Variants in FLG observed in about 807,000 individuals in gnomAD.
FLG encodes the protein filaggrin.
Under a neutral mutation model 3.8 loss-of-function variants are expected in FLG, and 6 were observed. That is an observed-to-expected ratio of 1.60 (90% CI 0.87 to 3.15). The LOEUF (loss-of-function observed/expected upper bound fraction) is 3.15, where lower values mean the gene tolerates loss of function less well. Ranked by LOEUF, FLG falls within the 30% of genes most tolerant of loss-of-function variation. The pLI is 0.00. For synonymous variants in FLG, 2,551 were observed against 1,931.6 expected, an observed-to-expected ratio of 1.32 and a Z score of -8.41; for missense variants, 7,595 against 5,050.9, an observed-to-expected ratio of 1.50 and a Z score of -15.27.
Position 152,313,970 on chromosome 1 carries a change from G to T in FLG, c.916C>A (p.His306Asn), listed in dbSNP as rs1382286927. 24 of 1,614,044 alleles carry T rather than the reference G, an allele frequency of 1.5e-5. No homozygotes were observed. The highest frequency in any genetic ancestry group is 2.0e-5 in the Non-Finnish European group (24 of 1,180,040). ...GAGTGCCTCTCAGAGTCTTCTGAGT[G>T]TCCCTCACTGTCCCTGTCCTGGCTA... The part of the protein sequence containing the change: ...RVSQDRDSEG[H>N]SEDSERHSGS... Residue 306 changes from histidine (H) to asparagine (N), a missense_variant, in exon 3 of 3, where the codon CAC becomes AAC. By Grantham distance (68) the His-to-Asn change is moderately conservative (BLOSUM62 1). Transcript: ENST00000368799.
rs762578946 is a variant in FLG at position 152,310,078 on chromosome 1, T to G, written c.4808A>C (p.His1603Pro). The G allele has an allele frequency of 6.2e-7, 1 of 1,613,958 alleles. No individual in the cohort carries two copies. Among genetic ancestry groups the G allele is most frequent in the Non-Finnish European group, 8.5e-7 (1 of 1,179,994 alleles). Residue 1603 changes from histidine (H) to proline (P), a missense_variant, in exon 3 of 3, where the codon CAC becomes CCC. Physicochemically the swap from His to Pro is moderately conservative, Grantham distance 77. Coordinates refer to ENST00000368799, the MANE Select transcript of FLG (RefSeq NM_002016.2). Reference protein sequence around the residue: ...SVSQDRDSEGHSEDSERRSES... With the variant: ...SVSQDRDSEGPSEDSERRSES... Reference sequence around the variant, plus strand: ...AGACCGCCTCTCAGAGTCTTCTGAGTGTCCCTCACTGTCCCTGTCCTGACT... The same window carrying G: ...AGACCGCCTCTCAGAGTCTTCTGAGGGTCCCTCACTGTCCCTGTCCTGACT...
rs920315793 is a variant in FLG, at chr1:152,308,673, G to T, written c.6213C>A (p.Ser2071Arg). The T allele has an allele frequency of 3.7e-6, 6 of 1,614,032 alleles. No homozygotes were observed. Among genetic ancestry groups the T allele is most frequent in the Admixed American group, 3.3e-5 (2 of 59,996 alleles). Residue 2071 changes from serine (S) to arginine (R), a missense_variant, in exon 3 of 3, where the codon AGC becomes AGA. Physicochemically the swap from Ser to Arg is moderately radical, Grantham distance 110 (BLOSUM62 -1). Transcript: ENST00000368799. The stretch of plus-strand genomic sequence containing the variant: ...ACTGGCCACGTGCGGACTCTTTGTG[G>T]CTCTGCTGATGGGGCCCAGCTTTTC... ...AQGKAGPHQQSHKESARGQSG... is the reference protein window; with the variant it reads ...AQGKAGPHQQRHKESARGQSG...
At chr1:152,320,778 G>A (rs551175028) in intron 1 of FLG, among the ~76,000 whole-genome samples, 2 of 150,928 alleles carry the variant, frequency 1.3e-5, no homozygotes, top group East Asian at 3.9e-4. Context: ...ACCATATACT[G>A]GGCCATAAAG....
Position 152,304,494 on chromosome 1 carries a change from G to A in FLG, c.10392C>T (p.His3464=), listed in dbSNP as rs759913306. The A allele has an allele frequency of 1.2e-6, 2 of 1,612,996 alleles. No individual in the cohort carries two copies. The highest frequency in any genetic ancestry group is 2.2e-5 in the East Asian group (1 of 44,644). Residue 3464 remains histidine, a synonymous_variant, in exon 3 of 3, where the codon CAC becomes CAT. Coordinates refer to ENST00000368799, the MANE Select transcript of FLG (RefSeq NM_002016.2). ...VDRSGHSGSH[H]SHTTSQGRSD... Reference sequence around the variant, plus strand: ...ACCTTCCCTGGGATGTGGTGTGGCTGTGATGGGACCCTGAGTGTCCAGACC... The same window carrying A: ...ACCTTCCCTGGGATGTGGTGTGGCTATGATGGGACCCTGAGTGTCCAGACC...
chr1:152,309,547 C>A lies in FLG; in HGVS notation c.5339G>T (p.Gly1780Val), dbSNP rs778188789. 1 of 1,613,712 alleles carries A rather than the reference C, an allele frequency of 6.2e-7. No homozygotes were observed. The highest frequency in any genetic ancestry group is 1.7e-5 in the Admixed American group (1 of 59,978). Reference sequence around the variant, plus strand: ...TCCTCCAGTGCTGGGCCCTGTGCGTCCATGGGCGGACTCAGACTGTTCATG... The same window carrying A: ...TCCTCCAGTGCTGGGCCCTGTGCGTACATGGGCGGACTCAGACTGTTCATG... ...STHEQSESAH[G>V]RTGPSTGGRQ... is the part of the protein sequence containing the mutation. Residue 1780 changes from glycine to valine, a missense_variant, in exon 3 of 3, where the codon GGA becomes GTA. Transcript: ENST00000368799.
At chr1:152,319,460 A>C (rs1403597517) in intron 1 of FLG, among the ~76,000 whole-genome samples, 1 of 151,352 alleles carries the variant, frequency 6.6e-6, no homozygotes, top group Non-Finnish European at 1.5e-5. Flanking sequence ...CTGATGAAAG[A>C]TATCAAGGTA....
At chr1:152,323,455 C>A (rs1653045614) in intron 1 of FLG, among the ~76,000 whole-genome samples, 1 of 151,638 alleles carries the variant, frequency 6.6e-6, no homozygotes, top group Admixed American at 6.6e-5. Flanking sequence ...ATAAAAAATA[C>A]AGTTAACTCA....
In FLG at chr1:152,310,586, T is replaced by G; in HGVS notation, c.4300A>C (p.Ser1434Arg). ...KESARGQSGE[S>R]SGRSRSFLYQ... ...AGGAAAGACCTTGAACGTCCAGAGC[T>G]TTCCCCTGACTGGCCACGTGCGGAC... The change falls in exon 3 of 3, where the codon AGC becomes CGC. Residue 1434 changes from serine (S) to arginine (R), a missense_variant. By Grantham distance (110) the Ser-to-Arg change is moderately radical (BLOSUM62 -1). Coordinates refer to ENST00000368799, the MANE Select transcript of FLG (RefSeq NM_002016.2). The G allele has an allele frequency of 6.2e-7, 1 of 1,613,948 alleles. No homozygotes were observed. The highest frequency in any genetic ancestry group is 2.2e-5 in the East Asian group (1 of 44,852).
chr1:152,309,588 G>A lies in FLG; in HGVS notation c.5298C>T (p.Leu1766=), dbSNP rs754633445. Residue 1766 remains leucine (L), a synonymous_variant, in exon 3 of 3, where the codon CTC becomes CTT. Coordinates refer to ENST00000368799, the MANE Select transcript of FLG (RefSeq NM_002016.2). ...ACTGTTCATGAGTGCTCACCTGGTA[G>A]AGGAAAGACCCTGAACGTCCAGACC... The part of the protein sequence containing the change: ...GERSGRSGSF[L]YQVSTHEQSE... 2 of 1,613,904 alleles carry A rather than the reference G, an allele frequency of 1.2e-6. No individual in the cohort carries two copies. Among genetic ancestry groups the A allele is most frequent in the South Asian group, 2.2e-5 (2 of 91,048 alleles).
chr1:152,317,150 T>G (rs999827286), intron 1 of FLG, among the ~76,000 whole-genome samples: 2 of 152,116 alleles, frequency 1.3e-5, no homozygotes, highest in Non-Finnish European at 2.9e-5. Flanking sequence ...GCCTACTTTC[T>G]CATATGCATC....
In FLG at chr1:152,308,088, G is replaced by A. The variant is rs768041692; in HGVS notation, c.6798C>T (p.Asn2266=). ...ACTGCTCCTGAGCAGATCCATGATG[G>A]TTTCTGGACGCAGACCCAGACCGCC... The part of the protein sequence containing the change: ...SERRSGSASR[N]HHGSAQEQSR... The change falls in exon 3 of 3, where the codon AAC becomes AAT. Residue 2266 remains asparagine (N), a synonymous_variant. Transcript: ENST00000368799. 5.0e-6 allele frequency: 8 copies of A among 1,613,768 alleles called. No homozygotes were observed. In the Admixed American group the frequency reaches 6.7e-5, roughly 13 times the overall value.
At chr1:152,324,889 T>C (rs1570923543) in intron 1 of FLG, among the ~76,000 whole-genome samples, 1 of 151,906 alleles carries the variant, frequency 6.6e-6, no homozygotes, top group African/African-American at 2.4e-5. Context: ...GCTAGGAGTT[T>C]ATATAGTTCA....
In FLG at chr1:152,312,276, A is replaced by C; in HGVS notation, c.2610T>G (p.His870Gln). The C allele has an allele frequency of 6.2e-7, 1 of 1,613,678 alleles. No homozygotes were observed. ...SVDRSGHSGS[H>Q]HSHTTSQGRS... The stretch of plus-strand genomic sequence containing the variant: ...TTCCCTGGGATGTGGTGTGGCTGTG[A>C]TGGGACCCTGAGTGTCCAGACCTAT... The change falls in exon 3 of 3, where the codon CAT becomes CAG. Residue 870 changes from histidine (H) to glutamine (Q), a missense_variant. By Grantham distance (24) the His-to-Gln change is conservative. Coordinates refer to ENST00000368799, the MANE Select transcript of FLG (RefSeq NM_002016.2).
chr1:152,308,439 T>C lies in FLG; in HGVS notation c.6447A>G (p.Arg2149=), dbSNP rs745636309. ...RGHPGPSRGG[R]QGSHQEQSVD... ...CCGATTGCTCTTGGTGGGACCCCTGTCTTCCTCCTCTGCTTGGCCCCGGGT... is the reference window on the plus strand; with the variant it reads ...CCGATTGCTCTTGGTGGGACCCCTGCCTTCCTCCTCTGCTTGGCCCCGGGT... The change falls in exon 3 of 3, where the codon AGA becomes AGG. Residue 2149 remains arginine, a synonymous_variant. Transcript: ENST00000368799. The C allele has an allele frequency of 9.3e-6, 15 of 1,613,608 alleles. No individual in the cohort carries two copies. The highest frequency in any genetic ancestry group is 4.4e-5 in the South Asian group (4 of 91,042).
Position 152,311,615 on chromosome 1 carries a change from G to A in FLG, c.3271C>T (p.Gln1091Ter), listed in dbSNP as rs1465575255. 32 of 1,614,002 alleles carry A rather than the reference G, an allele frequency of 2.0e-5. No individual in the cohort carries two copies. The Admixed American group carries it at 2.5e-4, about 13-fold the overall frequency. ...TGGCTCTGCTGATGGGGCCCATCCT[G>A]TCCATGGCCTGACACTGACTGTGTG... ...SDTQSVSGHGQDGPHQQSHQE... is the reference protein window; with the variant it reads ...SDTQSVSGHG Residue 1091 changes from glutamine (Q) to a stop codon, truncating the protein, a stop_gained, in exon 3 of 3, where the codon CAG becomes TAG. Coordinates refer to ENST00000368799, the MANE Select transcript of FLG (RefSeq NM_002016.2). LOFTEE classifies it low-confidence loss of function (END_TRUNC).
intron 1 of FLG, among the ~76,000 whole-genome samples, chr1:152,322,779 T>C (rs1446775369): frequency 1.3e-5 from 2 of 151,442 alleles, no homozygotes; most frequent in Non-Finnish European, 3.0e-5. Context: ...AAAGTCTAAA[T>C]AGCATTAAGA....
intron 1 of FLG, among the ~76,000 whole-genome samples, chr1:152,317,780 T>C (rs1045182088): frequency 6.6e-6 from 1 of 152,058 alleles, no homozygotes; most frequent in Admixed American, 6.6e-5. Flanking sequence ...GTATTTCTAC[T>C]TGAGTCTTGT....
Position 152,308,103 on chromosome 1 carries a change from C to A in FLG, c.6783G>T (p.Gly2261=), listed in dbSNP as rs1394317075. ...GHSEDSERRS[G]SASRNHHGSA... ...ATCCATGATGGTTTCTGGACGCAGA[C>A]CCAGACCGCCTCTCAGAATCTTCTG... Residue 2261 remains glycine, a synonymous_variant, in exon 3 of 3, where the codon GGG becomes GGT. Coordinates refer to ENST00000368799, the MANE Select transcript of FLG (RefSeq NM_002016.2). 4 of 1,613,892 alleles carry A rather than the reference C, an allele frequency of 2.5e-6. No individual in the cohort carries two copies. Among genetic ancestry groups the A allele is most frequent in the South Asian group, 2.2e-5 (2 of 91,078 alleles).
Position 152,311,570 on chromosome 1 carries a change from A to C in FLG, c.3316T>G (p.Trp1106Gly), listed in dbSNP as rs146564246. 1.9e-6 allele frequency: 3 copies of C among 1,613,506 alleles called. No homozygotes were observed. In the South Asian group the frequency reaches 3.3e-5, roughly 18 times the overall value. Residue 1106 changes from tryptophan to glycine, a missense_variant, in exon 3 of 3, where the codon TGG becomes GGG. By Grantham distance (184) the Trp-to-Gly change is radical. Transcript: ENST00000368799. ...QQSHQESARD[W>G]SGGRSGRSGS... ...GAACGTCCAGACCTTCCCCCTGACC[A>C]GTCACGTGCGGACTCTTGGTGGCTC...
Sources: gnomAD v4.1 joint callset for allele counts (sites outside exome capture counted in the v4.1 genomes callset) on GRCh38, gnomAD v4.1.1 for gene constraint, MANE v1.5 for transcripts, NCBI Gene and HGNC (gene_info 2026-07-23, HGNC 2026-07-21) for gene names.